DYRK1A: variants seen among roughly 807,000 people sequenced by gnomAD.
DYRK1A encodes dual specificity tyrosine-phosphorylation-regulated kinase 1A.
Under a neutral mutation model 79.7 loss-of-function variants are expected in DYRK1A, and 9 were observed. That is an observed-to-expected ratio of 0.11 (90% CI 0.07 to 0.20). The LOEUF is 0.20. DYRK1A is among the 10% of genes least tolerant of loss of function. The pLI, the probability that DYRK1A is intolerant of heterozygous loss-of-function variation, is 1.00. For synonymous variants in DYRK1A, 349 were observed against 329.7 expected (o/e 1.06, Z -0.63); for missense variants, 622 against 956.0 (o/e 0.65, Z 4.61).
At chr21:37,381,420 A>G (rs1216794121) in intron 1 of DYRK1A, among the ~76,000 whole-genome samples, 1 of 152,210 alleles carries the variant, frequency 6.6e-6, no homozygotes, top group Non-Finnish European at 1.5e-5. Context: ...GAGTGGAAAG[A>G]TTCTGTCTTC....
chr21:37,448,086 C>G (rs967204598), intron 2 of DYRK1A, among the ~76,000 whole-genome samples: 1 of 152,064 alleles, frequency 6.6e-6, no homozygotes, highest in Non-Finnish European at 1.5e-5. Flanking sequence ...TTTAGACCAT[C>G]TTTTTTTACA....
At chr21:37,401,957 A>G (rs949909795) in intron 1 of DYRK1A, among the ~76,000 whole-genome samples, 1 of 151,928 alleles carries the variant, frequency 6.6e-6, no homozygotes, top group Non-Finnish European at 1.5e-5. Context: ...TATTGTTGCA[A>G]CTCCTACTTC....
chr21:37,443,469 T>A (rs907811468), intron 2 of DYRK1A, among the ~76,000 whole-genome samples: 2 of 152,240 alleles, frequency 1.3e-5, no homozygotes, highest in East Asian at 1.9e-4. Context: ...ATTTTCACTT[T>A]GTCGGGTGCC....
At chr21:37,407,140 C>G (rs921364684) in intron 1 of DYRK1A, among the ~76,000 whole-genome samples, 1 of 151,834 alleles carries the variant, frequency 6.6e-6, no homozygotes, top group African/African-American at 2.4e-5. Flanking sequence ...ATCCCTAATT[C>G]GAAGTGTTTG....
intron 2 of DYRK1A, among the ~76,000 whole-genome samples, chr21:37,426,738 G>A (rs994508728): frequency 4.2e-5 from 6 of 143,766 alleles, no homozygotes; most frequent in Admixed American, 7.0e-5. Context: ...GTGAAACCCC[G>A]TCTCTACTAA....
rs887541007 is a variant in DYRK1A, at chr21:37,430,197, C to T, written c.10+9813C>T. The T allele has an allele frequency of 5.6e-6, 4 of 712,966 alleles. No individual in the cohort carries two copies. In the African/African-American group the frequency reaches 7.7e-5, roughly 14 times the overall value. 44.2% of individuals were successfully genotyped at this position (712,966 alleles called of 1,614,324 possible). ...CACAGCTGTTACCCACCAGTTACTT[C>T]CAGCTTGTATATAGGTATGTTCACT... On this transcript the variant is annotated intron_variant, in intron 2 of 11. Transcript: ENST00000647188.
intron 9 of DYRK1A, chr21:37,501,991 TTGTCTC>T (rs2053464543): frequency 6.6e-6 from 1 of 152,220 alleles, no homozygotes; most frequent in Non-Finnish European, 1.5e-5. Flanking sequence ...ATGTCCCTCT[TTGTCTC>T]TAGTCATGTT....
At chr21:37,386,020 G>A (rs763669005) in intron 1 of DYRK1A, among the ~76,000 whole-genome samples, 6 of 152,036 alleles carry the variant, frequency 3.9e-5, no homozygotes, top group East Asian at 1.9e-4. Flanking sequence ...CTTTATAAAC[G>A]TACACATACC....
chr21:37,386,734 C>T (rs1231729450), intron 1 of DYRK1A, among the ~76,000 whole-genome samples: 1 of 152,164 alleles, frequency 6.6e-6, no homozygotes, highest in East Asian at 1.9e-4. Flanking sequence ...TTTGGTAGCA[C>T]AGTGATGTCT....
At chr21:37,494,864 C>T (rs908884638) in intron 8 of DYRK1A, among the ~76,000 whole-genome samples, 1 of 151,436 alleles carries the variant, frequency 6.6e-6, no homozygotes, top group African/African-American at 2.4e-5. Context: ...AGGAGAATGG[C>T]TTGAACCCAG....
At chr21:37,441,632 G>A (rs1483542516) in intron 2 of DYRK1A, among the ~76,000 whole-genome samples, 5 of 151,940 alleles carry the variant, frequency 3.3e-5, no homozygotes, top group South Asian at 2.1e-4. Context: ...ATCACTTCAC[G>A]TATAGTGTAT....
chr21:37,388,668 G>A (rs1008428890), intron 1 of DYRK1A, among the ~76,000 whole-genome samples: 6 of 145,900 alleles, frequency 4.1e-5, no homozygotes, highest in East Asian at 2.0e-4. Flanking sequence ...TTTTTTTTTC[G>A]GAGTCTCGCT....
rs201155793 is a variant in DYRK1A at position 37,476,823 on chromosome 21, C to G, written c.208-1385C>G. Among the ~76,000 whole-genome samples the G allele has an allele frequency of 4.0e-5, 4 of 99,544 alleles. 1 individual carries two copies. The highest frequency in any genetic ancestry group is 1.0e-4 in the African/African-American group (2 of 19,134). The allele number at this position is 99,544 out of a possible 152,430, so 65.3% of individuals were successfully genotyped here. On this transcript the variant is annotated intron_variant, in intron 3 of 11. Coordinates refer to ENST00000647188, the MANE Select transcript of DYRK1A (RefSeq NM_001347721.2). ...ATAGTATAATCACCAAGGGTTCCCC[C>G]CCCCCCCAACCTTATTTGGAATTAA... is the stretch of plus-strand genomic sequence containing the variant.
At chr21:37,420,078 GT>G (rs140342279) in intron 1 of DYRK1A, 179 of 223,470 alleles carry the variant, frequency 8.0e-4, no homozygotes, top group Middle Eastern at 1.4e-3. Context: ...TTTTGAAACT[GT>G]TTTTTTTTTC....
chr21:37,458,313 T>A (rs2051726594), intron 2 of DYRK1A, among the ~76,000 whole-genome samples: 1 of 150,514 alleles, frequency 6.6e-6, no homozygotes, highest in African/African-American at 2.4e-5. Flanking sequence ...TGTGTACATA[T>A]ACATATGTAT....
intron 2 of DYRK1A, among the ~76,000 whole-genome samples, chr21:37,452,982 C>T (rs529832349): frequency 1.4e-4 from 21 of 152,190 alleles, no homozygotes; most frequent in African/African-American, 3.9e-4. Context: ...TGGTGGCTTA[C>T]GCCTATAATC....
At chr21:37,410,698 T>C (rs2050226230) in intron 1 of DYRK1A, 1 of 152,202 alleles carries the variant, frequency 6.6e-6, no homozygotes, top group Non-Finnish European at 1.5e-5. Context: ...CGGCTCATTT[T>C]GATGTTAATT....
At chr21:37,366,537 C>G (rs1203387277), upstream of DYRK1A, among the ~76,000 whole-genome samples, 2 of 150,818 alleles carry the variant, frequency 1.3e-5, no homozygotes, top group Non-Finnish European at 3.0e-5. Context: ...CTCCCCCGGG[C>G]GAATCACGCG....
chr21:37,366,495 C>G (rs1334484183), upstream of DYRK1A, among the ~76,000 whole-genome samples: 1 of 150,098 alleles, frequency 6.7e-6, no homozygotes, highest in Non-Finnish European at 1.5e-5. Context: ...AGCCCCTACC[C>G]TCCCTCGGCC....
Sources: allele counts gnomAD v4.1 joint callset (sites outside exome capture counted in the v4.1 genomes callset), GRCh38; gene constraint gnomAD v4.1.1; transcripts MANE v1.5; gene names NCBI Gene and HGNC (gene_info 2026-07-23, HGNC 2026-07-21).